ADAMTS18: variants seen among roughly 807,000 people sequenced by gnomAD.
ADAMTS18 encodes ADAM metallopeptidase with thrombospondin type 1 motif 18, also known as A disintegrin and metalloproteinase with thrombospondin motifs 18.
A neutral mutation model predicts 165.9 loss-of-function variants in ADAMTS18; 157 were observed. That is an observed-to-expected ratio of 0.95 (90% CI 0.83 to 1.08). ADAMTS18 has a LOEUF of 1.08. Among genes scored for constraint, ADAMTS18 ranks in the 50% least tolerant of loss-of-function variants. The pLI is 0.00. For missense variants in ADAMTS18, 2,040 were observed against 1,534.0 expected (o/e 1.33, Z -5.51); for synonymous variants, 782 against 578.2 (o/e 1.35, Z -5.06).
intron 16 of ADAMTS18, among the ~76,000 whole-genome samples, chr16:77,314,649 G>GTGTGTGTGTGTGTGTGTGTGTATA (rs10527824): frequency 2.4e-5 from 3 of 126,476 alleles, no homozygotes; most frequent in African/African-American, 9.4e-5. Flanking sequence ...GTGTGTGTGT[G>GTGTGTGTGTGTGTGTGTGTGTATA]TATATATATA....
At position 77,322,390 on chromosome 16, in the gene ADAMTS18, A is replaced by G. The variant is rs1263040446; in HGVS notation, c.2109T>C (p.Asp703=). 6.2e-7 allele frequency: 1 copy of G among 1,614,020 alleles called. No homozygotes were observed. The highest frequency in any genetic ancestry group is 2.2e-5 in the East Asian group (1 of 44,858). The change falls in exon 14 of 23, where the codon GAT becomes GAC. Residue 703 remains aspartate, a synonymous_variant. Coordinates refer to ENST00000282849, the MANE Select transcript of ADAMTS18 (RefSeq NM_199355.4). ...TTTTGTTTGGGGAGCAGGGAGTTCC[A>G]TCTTTCACTTTGCCGGACATTGCAA... ...FFFAMSGKVK[D]GTPCSPNKND...
chr16:77,335,201 G>A (rs552617386), intron 12 of ADAMTS18, among the ~76,000 whole-genome samples: 11 of 150,346 alleles, frequency 7.3e-5, no homozygotes, highest in African/African-American at 2.4e-4. Flanking sequence ...TGGAACTGGA[G>A]GACATCATAT....
intron 3 of ADAMTS18, among the ~76,000 whole-genome samples, chr16:77,418,003 G>A (rs142433654): frequency 4.3e-4 from 65 of 152,272 alleles, no homozygotes; most frequent in African/African-American, 1.5e-3. Flanking sequence ...CTACATCCAC[G>A]TGGTTAGGCC....
At position 77,329,085 on chromosome 16, in the gene ADAMTS18, A is replaced by G. The variant is rs537688881; in HGVS notation, c.1860-3047T>C. 1.1e-4 allele frequency among the ~76,000 whole-genome samples: 17 copies of G among 152,024 alleles called. No homozygotes were observed. In the South Asian group the frequency reaches 3.3e-3, roughly 30 times the overall value. On this transcript the variant is annotated intron_variant, in intron 12 of 22. Transcript: ENST00000282849. Reference sequence around the variant, plus strand: ...GCAATGTTTAGGGAGCTGGCCTTTTACAATGAGGGAGATTCTCTCTTTTTT... The same window carrying G: ...GCAATGTTTAGGGAGCTGGCCTTTTGCAATGAGGGAGATTCTCTCTTTTTT...
At chr16:77,391,341 A>G (rs1201692280) in intron 3 of ADAMTS18, among the ~76,000 whole-genome samples, 2 of 152,136 alleles carry the variant, frequency 1.3e-5, no homozygotes, top group African/African-American at 2.4e-5. Context: ...TGTCTCTACT[A>G]AAAATACAAA....
intron 10 of ADAMTS18, among the ~76,000 whole-genome samples, chr16:77,344,971 T>C (rs572567507): frequency 7.9e-4 from 120 of 152,016 alleles, no homozygotes; most frequent in African/African-American, 2.7e-3. Context: ...CAAATAACTT[T>C]CCCTTATCTA....
intron 3 of ADAMTS18, among the ~76,000 whole-genome samples, chr16:77,371,384 T>C (rs1199530376): frequency 6.6e-6 from 1 of 152,030 alleles, no homozygotes; most frequent in African/African-American, 2.4e-5. Context: ...CTTTGAAATA[T>C]ACTAGAAAGC....
intron 3 of ADAMTS18, among the ~76,000 whole-genome samples, chr16:77,412,888 G>A (rs1487981418): frequency 6.6e-6 from 1 of 152,002 alleles, no homozygotes; most frequent in East Asian, 1.9e-4. Flanking sequence ...CATATCACAG[G>A]GTCTCACTAT....
chr16:77,313,881 C>A (rs1191187164), intron 16 of ADAMTS18, among the ~76,000 whole-genome samples: 2 of 152,144 alleles, frequency 1.3e-5, no homozygotes, highest in Admixed American at 6.6e-5. Context: ...ACAGGTAACA[C>A]AATGTATCTA....
At chr16:77,375,743 G>A (rs966698891) in intron 3 of ADAMTS18, among the ~76,000 whole-genome samples, 2 of 152,320 alleles carry the variant, frequency 1.3e-5, no homozygotes, top group South Asian at 2.1e-4. Context: ...AACTACCTGA[G>A]AATTGGGTAT....
Position 77,295,146 on chromosome 16 carries a change from C to T in ADAMTS18, c.2802-19G>A. The T allele has an allele frequency of 6.2e-7, 1 of 1,613,996 alleles. No individual in the cohort carries two copies. Among genetic ancestry groups the T allele is most frequent in the Non-Finnish European group, 8.5e-7 (1 of 1,179,938 alleles). On this transcript the variant is annotated intron_variant, in intron 18 of 22. Transcript: ENST00000282849. ...CATCCAGCTTTCAGTGCAAAACAAA[C>T]ATTACCAATGAAGCCAAACTTTGTA... is the stretch of plus-strand genomic sequence containing the variant.
chr16:77,416,166 G>A (rs536118497), intron 3 of ADAMTS18, among the ~76,000 whole-genome samples: 5 of 152,304 alleles, frequency 3.3e-5, no homozygotes, highest in South Asian at 4.1e-4. Flanking sequence ...ATAGGGAACT[G>A]AGGGAAGAAA....
intron 19 of ADAMTS18, 23 bp from the exon 20 acceptor site, chr16:77,293,281 A>G (rs370487227): frequency 2.6e-5 from 41 of 1,604,550 alleles, no homozygotes; most frequent in Non-Finnish European, 3.4e-5. Flanking sequence ...AAAAAGTTCT[A>G]TTTGCATTCC....
intron 9 of ADAMTS18, among the ~76,000 whole-genome samples, chr16:77,355,238 C>A (rs1351521268): frequency 1.4e-5 from 1 of 73,214 alleles, no homozygotes; most frequent in Non-Finnish European, 3.5e-5. Context: ...GTGTGTATTT[C>A]AACTTTGGGT....
In ADAMTS18 at chr16:77,293,132, G is replaced by C. The variant is rs2055398004; in HGVS notation, c.3133C>G (p.Leu1045Val). The C allele has an allele frequency of 6.2e-7, 1 of 1,614,016 alleles. No homozygotes were observed. Among genetic ancestry groups the C allele is most frequent in the Non-Finnish European group, 8.5e-7 (1 of 1,179,992 alleles). The change falls in exon 20 of 23, where the codon CTT (leucine) becomes GTT (valine). Residue 1045 changes from leucine to valine, a missense_variant. Coordinates refer to ENST00000282849, the MANE Select transcript of ADAMTS18 (RefSeq NM_199355.4). ...CGGCTGTTCTTGGGGCATCGTCCAA[G>C]CACACAGCCCTCCTGCAGCTCAGGT... is the stretch of plus-strand genomic sequence containing the variant. ...PRPELQEGCV[L>V]GRCPKNSRLQ...
chr16:77,306,169 C>T (rs2055678297), intron 16 of ADAMTS18, among the ~76,000 whole-genome samples: 1 of 152,234 alleles, frequency 6.6e-6, no homozygotes, highest in Non-Finnish European at 1.5e-5. Flanking sequence ...TTCCAGCCAA[C>T]TGGCATGGAG....
chr16:77,286,878 A>C (rs533935676), intron 22 of ADAMTS18, among the ~76,000 whole-genome samples: 12 of 152,288 alleles, frequency 7.9e-5, no homozygotes, highest in Admixed American at 2.6e-4. Context: ...AATTTTATGT[A>C]TAATATGTAC....
intron 16 of ADAMTS18, among the ~76,000 whole-genome samples, chr16:77,306,140 G>C (rs2055678052): frequency 6.6e-6 from 1 of 152,154 alleles, no homozygotes. Flanking sequence ...CTACTTAACT[G>C]GACTTAGTCC....
intron 3 of ADAMTS18, among the ~76,000 whole-genome samples, chr16:77,382,635 C>A (rs1252184401): frequency 1.2e-4 from 18 of 152,202 alleles, no homozygotes; most frequent in Non-Finnish European, 1.5e-5. Flanking sequence ...GCCTCATAAT[C>A]CTCTTTCCTC....
Sources: allele counts gnomAD v4.1 joint callset (sites outside exome capture counted in the v4.1 genomes callset), GRCh38; gene constraint gnomAD v4.1.1; transcripts MANE v1.5; gene names NCBI Gene and HGNC (gene_info 2026-07-23, HGNC 2026-07-21).